The following ANGPT1 variants were observed in gnomAD, a reference collection of about 807,000 sequenced individuals.
The protein encoded by ANGPT1 is angiopoietin-1.
ANGPT1 carries 17 observed loss-of-function variants against 62.2 expected under a neutral mutation model. The observed-to-expected ratio is 0.27, with a 90% CI of 0.19 to 0.41. ANGPT1 has a LOEUF of 0.41. Among genes scored for constraint, ANGPT1 ranks in the 10% least tolerant of loss-of-function variants. The pLI, the probability that ANGPT1 is intolerant of heterozygous loss-of-function variation, is 1.00. For missense variants in ANGPT1, 478 were observed against 594.9 expected, an observed-to-expected ratio of 0.80 and a Z score of 2.04; for synonymous variants, 199 against 198.9, an observed-to-expected ratio of 1.00 and a Z score of 0.00.
chr8:107,254,655 C>G (rs1813317611), intron 8 of ANGPT1, among the ~76,000 whole-genome samples: 1 of 152,010 alleles, frequency 6.6e-6, no homozygotes, highest in South Asian at 2.1e-4. Context: ...GAATACAGCA[C>G]CTGCAAAGGC....
chr8:107,439,990 A>G (rs1811432159), intron 1 of ANGPT1, among the ~76,000 whole-genome samples: 1 of 152,192 alleles, frequency 6.6e-6, no homozygotes. Context: ...CTCGGAAACC[A>G]TGGTGCAGGG....
chr8:107,310,764 A>C (rs1338306829), intron 4 of ANGPT1, among the ~76,000 whole-genome samples: 1 of 152,156 alleles, frequency 6.6e-6, no homozygotes, highest in African/African-American at 2.4e-5. Flanking sequence ...TCATACCCTT[A>C]AAGTCACACT....
At chr8:107,360,076 G>T (rs182315099) in intron 1 of ANGPT1, among the ~76,000 whole-genome samples, 214 of 152,082 alleles carry the variant, frequency 1.4e-3, no homozygotes, top group African/African-American at 4.6e-3. Context: ...AGTTTTCCTC[G>T]TCTAGTCTTA....
chr8:107,418,540 T>C (rs924003522), intron 1 of ANGPT1, among the ~76,000 whole-genome samples: 1 of 152,184 alleles, frequency 6.6e-6, no homozygotes, highest in African/African-American at 2.4e-5. Flanking sequence ...CATGCTTCTT[T>C]AGATATTTGT....
At chr8:107,440,102 C>G (rs2130428630) in intron 1 of ANGPT1, among the ~76,000 whole-genome samples, 1 of 152,122 alleles carries the variant, frequency 6.6e-6, no homozygotes, top group Non-Finnish European at 1.5e-5. Context: ...GTTCCATAAA[C>G]AGAAAGAAAT....
intron 1 of ANGPT1, among the ~76,000 whole-genome samples, chr8:107,382,363 T>C (rs1189664983): frequency 2.0e-5 from 3 of 152,044 alleles, no homozygotes; most frequent in African/African-American, 4.8e-5. Flanking sequence ...TAGCAGAGTA[T>C]CCAAGTCGAG....
At chr8:107,329,540 T>C (rs1815371103) in intron 3 of ANGPT1, among the ~76,000 whole-genome samples, 1 of 152,102 alleles carries the variant, frequency 6.6e-6, no homozygotes, top group African/African-American at 2.4e-5. Flanking sequence ...TGCAGAATAG[T>C]GGTGTAAACA....
At chr8:107,464,569 A>C (rs1017754886) in intron 1 of ANGPT1, among the ~76,000 whole-genome samples, 4 of 152,226 alleles carry the variant, frequency 2.6e-5, no homozygotes, top group African/African-American at 9.6e-5. Flanking sequence ...CGGATCTAGA[A>C]AAATAGCATA....
intron 1 of ANGPT1, among the ~76,000 whole-genome samples, chr8:107,451,731 A>G (rs1158260314): frequency 6.6e-6 from 1 of 151,926 alleles, no homozygotes; most frequent in Non-Finnish European, 1.5e-5. Flanking sequence ...AGGTCATCTT[A>G]CACCTATAGT....
At chr8:107,431,204 T>C (rs1382781518) in intron 1 of ANGPT1, among the ~76,000 whole-genome samples, 1 of 152,224 alleles carries the variant, frequency 6.6e-6, no homozygotes, top group African/African-American at 2.4e-5. Context: ...ACATTGTATA[T>C]AGTATATTGG....
At position 107,321,923 on chromosome 8, in the gene ANGPT1, G is replaced by T. The variant is rs1240911033; in HGVS notation, c.781C>A (p.Leu261Ile). 3.1e-6 allele frequency: 5 copies of T among 1,613,964 alleles called. No homozygotes were observed. In the Admixed American group the frequency reaches 8.3e-5, roughly 27 times the overall value. The change falls in exon 4 of 9, where the codon CTT becomes ATT. Residue 261 changes from leucine (L) to isoleucine (I), a missense_variant. By Grantham distance (5) the Leu-to-Ile change is conservative. This residue lies in a region of ANGPT1 where 343 missense variants were observed against 355.4 expected (regional missense o/e 0.97). Coordinates refer to ENST00000517746, the MANE Select transcript of ANGPT1 (RefSeq NM_001146.5). ...QLELMDTVHN[L>I]VNLCTKEGVL... is the part of the protein sequence containing the mutation. ...CCTTCTTTAGTGCAAAGATTGACAA[G>T]GTTGTGGACTGTGTCCATCAGCTCC... is the stretch of plus-strand genomic sequence containing the variant.
At chr8:107,407,261 A>G (rs1316639962) in intron 1 of ANGPT1, among the ~76,000 whole-genome samples, 1 of 82,158 alleles carries the variant, frequency 1.2e-5, no homozygotes, top group African/African-American at 5.2e-5. Context: ...AACTCAATGT[A>G]GACCATGTTT....
chr8:107,469,427 T>TG (rs915324797), intron 1 of ANGPT1, among the ~76,000 whole-genome samples: 11 of 151,886 alleles, frequency 7.2e-5, no homozygotes, highest in African/African-American at 2.7e-4. Flanking sequence ...CCACAATGCT[T>TG]GGGGGGTACA....
Position 107,445,556 on chromosome 8 carries a change from T to C in ANGPT1, c.297+51706A>G, listed in dbSNP as rs775941434. Reference sequence around the variant, plus strand: ...TTTTTTTTCCAAATTCTATTTTACATTGTAGGCAATCTGTTCACACATCAG... The same window carrying C: ...TTTTTTTTCCAAATTCTATTTTACACTGTAGGCAATCTGTTCACACATCAG... On this transcript the variant is annotated intron_variant, in intron 1 of 8. Coordinates refer to ENST00000517746, the MANE Select transcript of ANGPT1 (RefSeq NM_001146.5). Among the ~76,000 whole-genome samples the C allele has an allele frequency of 1.2e-3, 181 of 152,280 alleles. 1 individual carries two copies. Among genetic ancestry groups the C allele is most frequent in the Middle Eastern group, 6.8e-3 (2 of 294 alleles).
At chr8:107,254,891 A>C (rs1226285305) in intron 8 of ANGPT1, among the ~76,000 whole-genome samples, 1 of 152,166 alleles carries the variant, frequency 6.6e-6, no homozygotes, top group East Asian at 1.9e-4. Flanking sequence ...CAGAAGAACC[A>C]GATCTGCTAG....
At chr8:107,474,147 T>C (rs1438481764) in intron 1 of ANGPT1, among the ~76,000 whole-genome samples, 1 of 152,068 alleles carries the variant, frequency 6.6e-6, no homozygotes, top group East Asian at 1.9e-4. Context: ...AAGAGAATTT[T>C]AGATGAATAT....
chr8:107,380,358 TTTGTG>T (rs1226930089), intron 1 of ANGPT1, among the ~76,000 whole-genome samples: 4 of 57,804 alleles, frequency 6.9e-5, no homozygotes, highest in African/African-American at 1.1e-4. Context: ...GTGCAGGATG[TTTGTG>T]TGTGTGTGTG....
chr8:107,497,246 G>A lies in ANGPT1; in HGVS notation c.297+16C>T. 1 of 1,611,284 alleles carries A rather than the reference G, an allele frequency of 6.2e-7. No individual in the cohort carries two copies. The stretch of plus-strand genomic sequence containing the variant: ...AAAAAGGTCCGTGCTATTAGAAACT[G>A]AAAGCAATCACTTACTTTTTGCAGC... On this transcript the variant is annotated intron_variant, in intron 1 of 8. Transcript: ENST00000517746.
At chr8:107,292,283 G>A (rs1814298061) in intron 6 of ANGPT1, among the ~76,000 whole-genome samples, 1 of 152,056 alleles carries the variant, frequency 6.6e-6, no homozygotes, top group Admixed American at 6.6e-5. Context: ...ATAACCCCTA[G>A]GATAAGTTCA....
Sources: gnomAD v4.1 joint callset for allele counts (sites outside exome capture counted in the v4.1 genomes callset) on GRCh38, gnomAD v4.1.1 for gene constraint, gnomAD v4.1.1 regional missense constraint, MANE v1.5 for transcripts, NCBI Gene and HGNC (gene_info 2026-07-23, HGNC 2026-07-21) for gene names.